Variants in CERKL observed in about 807,000 individuals in gnomAD.
CERKL encodes CERK like autophagy regulator.
CERKL carries 61 observed loss-of-function variants against 63.4 expected under a neutral mutation model. The observed-to-expected ratio is 0.96, with a 90% CI of 0.78 to 1.19. The LOEUF is 1.19. Among genes scored for constraint, CERKL ranks in the 50% most tolerant of loss-of-function variants. The pLI, the probability that CERKL is intolerant of heterozygous loss-of-function variation, is 0.00. For missense variants in CERKL, 675 were observed against 655.5 expected, an observed-to-expected ratio of 1.03 and a Z score of -0.33; for synonymous variants, 250 against 230.5, an observed-to-expected ratio of 1.08 and a Z score of -0.77.
chr2:181,622,384 T>C (rs565103807), intron 1 of CERKL, among the ~76,000 whole-genome samples: 7 of 152,208 alleles, frequency 4.6e-5, no homozygotes, highest in Non-Finnish European at 7.3e-5. Context: ...AGGAGGACTA[T>C]TGAATATAAG....
chr2:181,637,351 T>C (rs1687223470), intron 1 of CERKL, among the ~76,000 whole-genome samples: 1 of 152,144 alleles, frequency 6.6e-6, no homozygotes. Flanking sequence ...TAAACCACTA[T>C]TTGCGATAAC....
At chr2:181,609,529 C>A in intron 1 of CERKL, among the ~76,000 whole-genome samples, 2 of 29,448 alleles carry the variant, frequency 6.8e-5, no homozygotes, top group African/African-American at 1.4e-4. Context: ...AACCCTGTCT[C>A]TACTAAAAAA....
chr2:181,549,708 C>A lies in CERKL; in HGVS notation c.821G>T (p.Gly274Val), dbSNP rs750564727. ...AGAATGTGCCAATACATTGGTAGATCCTGCCAAAGCAATTTTAAAACATGC... is the reference window on the plus strand; with the variant it reads ...AGAATGTGCCAATACATTGGTAGATACTGCCAAAGCAATTTTAAAACATGC... Reference protein sequence around the residue: ...AQLPLGLIPAGSTNVLAHSLH... With the variant: ...AQLPLGLIPAVSTNVLAHSLH... The change falls in exon 6 of 13, where the codon GGA (glycine) becomes GTA (valine). Residue 274 changes from glycine (G) to valine (V), a missense_variant and splice_region_variant. Gly to Val is a moderately radical substitution (Grantham distance 109, BLOSUM62 -3). Transcript: ENST00000410087. 6.2e-7 allele frequency: 1 copy of A among 1,607,946 alleles called. No individual in the cohort carries two copies. Among genetic ancestry groups the A allele is most frequent in the Non-Finnish European group, 8.5e-7 (1 of 1,174,736 alleles).
intron 1 of CERKL, among the ~76,000 whole-genome samples, chr2:181,654,612 A>C (rs1688077070): frequency 6.6e-6 from 1 of 152,090 alleles, no homozygotes; most frequent in East Asian, 1.9e-4. Context: ...CTCTCCCCCC[A>C]CCACATCCTA....
chr2:181,625,168 T>C (rs1432480509), intron 1 of CERKL, among the ~76,000 whole-genome samples: 1 of 151,704 alleles, frequency 6.6e-6, no homozygotes, highest in African/African-American at 2.4e-5. Flanking sequence ...TCCAAGAAGG[T>C]AGGTGAAGAA....
chr2:181,561,956 G>A (rs1018208959), intron 4 of CERKL, among the ~76,000 whole-genome samples: 1 of 152,090 alleles, frequency 6.6e-6, no homozygotes, highest in Non-Finnish European at 1.5e-5. Flanking sequence ...TGAGACTACA[G>A]GCACACACCA....
At chr2:181,642,603 A>G (rs934378275) in intron 1 of CERKL, among the ~76,000 whole-genome samples, 2 of 152,180 alleles carry the variant, frequency 1.3e-5, no homozygotes, top group African/African-American at 4.8e-5. Flanking sequence ...CACTGCTCTA[A>G]TTCAGCTGAG....
chr2:181,562,266 G>A (rs546391123), intron 4 of CERKL, among the ~76,000 whole-genome samples: 3 of 152,144 alleles, frequency 2.0e-5, no homozygotes, highest in East Asian at 1.9e-4. Context: ...ATGATATCCC[G>A]CCTCTCTGGG....
At chr2:181,584,336 A>G (rs1187705963) in intron 2 of CERKL, among the ~76,000 whole-genome samples, 1 of 149,262 alleles carries the variant, frequency 6.7e-6, no homozygotes, top group Non-Finnish European at 1.5e-5. Flanking sequence ...ACACAGAGAG[A>G]TATTGTCTCT....
intron 1 of CERKL, among the ~76,000 whole-genome samples, chr2:181,616,455 G>A (rs1012826594): frequency 1.3e-5 from 2 of 151,866 alleles, no homozygotes; most frequent in African/African-American, 4.8e-5. Flanking sequence ...CTCGTGATCC[G>A]CCTGCCTCGG....
In CERKL at chr2:181,657,105, T is replaced by G. The variant is rs1688215860; in HGVS notation, c.-99A>C. 1 of 1,160,798 alleles carries G rather than the reference T, an allele frequency of 8.6e-7. No individual in the cohort carries two copies. The highest frequency in any genetic ancestry group is 2.0e-5 in the Admixed American group (1 of 50,220). 71.9% of individuals were successfully genotyped at this position (1,160,798 alleles called of 1,614,324 possible). ...CCCCAGCTCTAGCCGCGTCCAGCGC[T>G]GCCACAGCAACGGCGCGCAGGGCAG... On this transcript the variant is annotated 5_prime_UTR_variant, in exon 1 of 13. Transcript: ENST00000410087.
chr2:181,572,691 A>T (rs576930859), intron 3 of CERKL, among the ~76,000 whole-genome samples: 55 of 152,116 alleles, frequency 3.6e-4, no homozygotes, highest in African/African-American at 1.3e-3. Context: ...TTAATTCAAA[A>T]ATTCCTCTTG....
At chr2:181,553,254 T>C (rs1688064851) in intron 5 of CERKL, among the ~76,000 whole-genome samples, 1 of 152,140 alleles carries the variant, frequency 6.6e-6, no homozygotes, top group African/African-American at 2.4e-5. Flanking sequence ...ACCATCTAAT[T>C]GCTAATAAAT....
chr2:181,564,441 T>C (rs977218904), intron 4 of CERKL, among the ~76,000 whole-genome samples: 1 of 152,126 alleles, frequency 6.6e-6, no homozygotes, highest in African/African-American at 2.4e-5. Context: ...ATATAATAAC[T>C]GAAAAATCTA....
At chr2:181,649,134 A>T (rs1687792685) in intron 1 of CERKL, among the ~76,000 whole-genome samples, 1 of 152,224 alleles carries the variant, frequency 6.6e-6, no homozygotes, top group South Asian at 2.1e-4. Context: ...AGGACTGGAA[A>T]AAAAACTCAG....
In CERKL at chr2:181,537,158, A is replaced by ATTCT. The variant is rs1559062966; in HGVS notation, c.*1022_*1025dup. ...TTGTATCGTTATAAAAAGGCTAGTC[A>ATTCT]TTCTTTCAGGAGAACATCTAGGATC... On this transcript the variant is annotated 3_prime_UTR_variant, in exon 13 of 13. Coordinates refer to ENST00000410087, the MANE Select transcript of CERKL (RefSeq NM_201548.5). 2.2e-6 allele frequency: 1 copy of ATTCT among 453,924 alleles called. No individual in the cohort carries two copies. The highest frequency in any genetic ancestry group is 2.4e-5 in the Admixed American group (1 of 42,542). The allele number at this position is 453,924 out of a possible 1,614,324, so 28.1% of individuals were successfully genotyped here. A position where few individuals can be genotyped will look rare whatever the true frequency, so the allele number is the denominator to read the frequency against.
chr2:181,648,102 G>T (rs756312186), intron 1 of CERKL, among the ~76,000 whole-genome samples: 2 of 152,106 alleles, frequency 1.3e-5, no homozygotes, highest in African/African-American at 4.8e-5. Flanking sequence ...GAAAGGCACA[G>T]AAAACCTATT....
chr2:181,566,632 T>C (rs1023616279), intron 3 of CERKL, among the ~76,000 whole-genome samples: 1 of 152,030 alleles, frequency 6.6e-6, no homozygotes, highest in Admixed American at 6.6e-5. Flanking sequence ...AAATACAAAG[T>C]AAAGCCAACA....
intron 1 of CERKL, among the ~76,000 whole-genome samples, chr2:181,632,722 G>T (rs963055088): frequency 5.9e-5 from 9 of 152,122 alleles, no homozygotes; most frequent in African/African-American, 1.7e-4. Context: ...GTACCTGAAG[G>T]CGCTTTTCCA....
Sources: allele counts gnomAD v4.1 joint callset (sites outside exome capture counted in the v4.1 genomes callset), GRCh38; gene constraint gnomAD v4.1.1; transcripts MANE v1.5; gene names NCBI Gene and HGNC (gene_info 2026-07-23, HGNC 2026-07-21).